The following TMEM135 variants were observed in gnomAD, a reference collection of about 807,000 sequenced individuals.
The protein encoded by TMEM135 is peroxisomal membrane protein 52.
Under a neutral mutation model 60.3 loss-of-function variants are expected in TMEM135, and 30 were observed. That is an observed-to-expected ratio of 0.50 (90% confidence interval 0.37 to 0.68). The LOEUF (loss-of-function observed/expected upper bound fraction) is 0.68. TMEM135 is among the 30% of genes least tolerant of loss of function. TMEM135 has a pLI of 0.00. For missense variants in TMEM135, 468 were observed against 548.8 expected (o/e 0.85, Z 1.47); for synonymous variants, 190 against 186.7 (o/e 1.02, Z -0.14).
At chr11:87,193,440 C>G (rs1003147097) in intron 5 of TMEM135, among the ~76,000 whole-genome samples, 1 of 152,100 alleles carries the variant, frequency 6.6e-6, no homozygotes, top group African/African-American at 2.4e-5. Context: ...TTTTCAGGTT[C>G]TTCTGTTTTA....
intron 6 of TMEM135, among the ~76,000 whole-genome samples, chr11:87,238,077 T>G (rs1256015369): frequency 6.6e-6 from 1 of 151,966 alleles, no homozygotes; most frequent in Non-Finnish European, 1.5e-5. Flanking sequence ...CAGTGGACAC[T>G]TAGCCTGCTT....
chr11:87,251,240 G>T (rs547096407), intron 6 of TMEM135, among the ~76,000 whole-genome samples: 46 of 152,222 alleles, frequency 3.0e-4, no homozygotes, highest in African/African-American at 7.9e-4. Context: ...CATGCAGGTT[G>T]ATAGTGTTCT....
At chr11:87,288,961 G>A in intron 6 of TMEM135, among the ~76,000 whole-genome samples, 1 of 152,226 alleles carries the variant, frequency 6.6e-6, no homozygotes, top group East Asian at 1.9e-4. Flanking sequence ...CCCATCTTGG[G>A]GGGTGAGGAG....
rs572801282 is a variant in TMEM135, at chr11:87,196,575, T to C, written c.462+39169T>C. On this transcript the variant is annotated intron_variant, in intron 5 of 14. Coordinates refer to ENST00000305494, the MANE Select transcript of TMEM135 (RefSeq NM_022918.4). ...TGTTTTCTTTTTCTCTTGTTTATAG[T>C]GGGGAATATTATTTTTAGGGAATTT... 1.1e-3 allele frequency among the ~76,000 whole-genome samples: 162 copies of C among 152,226 alleles called. 1 individual carries two copies. In the Middle Eastern group the frequency reaches 0.014, roughly 13 times the overall value.
In TMEM135 at chr11:87,136,447, T is replaced by C. The variant is rs370412061; in HGVS notation, c.397-20894T>C. Among the ~76,000 whole-genome samples the C allele has an allele frequency of 1.4e-4, 22 of 152,148 alleles. No individual in the cohort carries two copies. In the East Asian group the frequency reaches 4.0e-3, roughly 28 times the overall value. On this transcript the variant is annotated intron_variant, in intron 4 of 14. Coordinates refer to ENST00000305494, the MANE Select transcript of TMEM135 (RefSeq NM_022918.4). ...TTATAACTATGCCCGTGGGGGATATTGGTGTGTAGTTTTCTTGTTAATGTC... is the reference window on the plus strand; with the variant it reads ...TTATAACTATGCCCGTGGGGGATATCGGTGTGTAGTTTTCTTGTTAATGTC...
chr11:87,272,115 G>T (rs1305162134), intron 6 of TMEM135, among the ~76,000 whole-genome samples: 1 of 142,190 alleles, frequency 7.0e-6, no homozygotes, highest in African/African-American at 2.6e-5. Context: ...GTGCAGAGGT[G>T]AGATATCTGC....
At chr11:87,193,321 CAA>C (rs952804706) in intron 5 of TMEM135, among the ~76,000 whole-genome samples, 8 of 152,090 alleles carry the variant, frequency 5.3e-5, no homozygotes, top group Non-Finnish European at 1.0e-4. Context: ...AATTATAAGA[CAA>C]ATTTATCAAA....
intron 6 of TMEM135, among the ~76,000 whole-genome samples, chr11:87,287,582 C>T (rs1032445324): frequency 6.6e-6 from 1 of 152,194 alleles, no homozygotes. Context: ...GAAGCTGAGG[C>T]AGGAGAATCG....
At chr11:87,236,522 T>C in intron 5 of TMEM135, 116 bp from the exon 6 acceptor site, 1 of 862,522 alleles carries the variant, frequency 1.2e-6, no homozygotes, top group Non-Finnish European at 1.9e-6. Context: ...TGTGACTGGT[T>C]TGTATATCCT....
chr11:87,087,688 G>T (rs1034244888), intron 3 of TMEM135, among the ~76,000 whole-genome samples: 4 of 152,034 alleles, frequency 2.6e-5, no homozygotes, highest in African/African-American at 9.7e-5. Flanking sequence ...TTTCACATAG[G>T]CTTTTAAAAT....
intron 5 of TMEM135, among the ~76,000 whole-genome samples, chr11:87,232,668 A>G (rs1940914249): frequency 6.6e-6 from 1 of 152,186 alleles, no homozygotes; most frequent in African/African-American, 2.4e-5. Context: ...CTGTACATAC[A>G]TGCACTATGG....
intron 4 of TMEM135, among the ~76,000 whole-genome samples, chr11:87,092,845 CTCTT>C (rs1857240117): frequency 9.5e-5 from 4 of 42,088 alleles, no homozygotes; most frequent in African/African-American, 5.8e-4. Flanking sequence ...TAGGTAATCT[CTCTT>C]TTTTTCTCAA....
At chr11:87,097,721 T>C (rs2512328) in intron 4 of TMEM135, among the ~76,000 whole-genome samples, 1 of 151,840 alleles carries the variant, frequency 6.6e-6, no homozygotes, top group South Asian at 2.1e-4. Context: ...ACAAGCATGC[T>C]TTCTCTTCAG....
At chr11:87,313,323 G>A in intron 10 of TMEM135, 102 bp from the exon 11 acceptor site, 2 of 940,212 alleles carry the variant, frequency 2.1e-6, no homozygotes, top group South Asian at 1.4e-5. Flanking sequence ...TAATTGGCCT[G>A]CAAGGTAATC....
intron 3 of TMEM135, among the ~76,000 whole-genome samples, chr11:87,075,204 G>A (rs1376914270): frequency 6.6e-6 from 1 of 151,950 alleles, no homozygotes; most frequent in Non-Finnish European, 1.5e-5. Flanking sequence ...TGTCTCCCAG[G>A]CTGGAGTGCG....
intron 5 of TMEM135, among the ~76,000 whole-genome samples, chr11:87,167,636 C>G (rs559918919): frequency 5.4e-4 from 82 of 152,216 alleles, no homozygotes; most frequent in African/African-American, 1.9e-3. Flanking sequence ...GTTGAACCAG[C>G]CTTGCATCCC....
At chr11:87,222,351 C>T (rs529844341) in intron 5 of TMEM135, among the ~76,000 whole-genome samples, 5 of 139,424 alleles carry the variant, frequency 3.6e-5, no homozygotes, top group Admixed American at 7.2e-5. Flanking sequence ...AAAAAAAATT[C>T]GCTGGGCGTG....
intron 1 of TMEM135, among the ~76,000 whole-genome samples, chr11:87,040,315 C>T (rs1051790968): frequency 6.6e-6 from 1 of 151,954 alleles, no homozygotes; most frequent in African/African-American, 2.4e-5. Context: ...TAAATGTATA[C>T]CCCCATGTAC....
At chr11:87,281,007 C>T (rs1942051173) in intron 6 of TMEM135, among the ~76,000 whole-genome samples, 1 of 152,074 alleles carries the variant, frequency 6.6e-6, no homozygotes, top group Non-Finnish European at 1.5e-5. Flanking sequence ...GAAATAGCTC[C>T]TAATTAAGAA....
Sources: gnomAD v4.1 joint callset for allele counts (sites outside exome capture counted in the v4.1 genomes callset) on GRCh38, gnomAD v4.1.1 for gene constraint, MANE v1.5 for transcripts, NCBI Gene and HGNC (gene_info 2026-07-23, HGNC 2026-07-21) for gene names.